NRXN3: variants seen among roughly 807,000 people sequenced by gnomAD.
NRXN3 encodes neurexin 3.
In NRXN3, 32 loss-of-function variants were observed where a neutral mutation model predicts 137.6. The ratio of observed to expected loss-of-function variants is 0.23; its 90% CI spans 0.18 to 0.31. NRXN3 has a LOEUF of 0.31. Among genes scored for constraint, NRXN3 ranks in the 10% least tolerant of loss-of-function variants. The pLI is 1.00. For synonymous variants in NRXN3, 798 were observed against 784.5 expected (o/e 1.02, Z -0.29); for missense variants, 1,574 against 2,062.5 (o/e 0.76, Z 4.59).
chr14:79,768,654 A>G (rs1313536323), intron 19 of NRXN3, among the ~76,000 whole-genome samples: 1 of 152,230 alleles, frequency 6.6e-6, no homozygotes. Flanking sequence ...AAAAGTAGAT[A>G]AAACCACAAA....
intron 8 of NRXN3, among the ~76,000 whole-genome samples, chr14:78,754,038 C>G (rs2098655894): frequency 6.6e-6 from 1 of 152,118 alleles, no homozygotes; most frequent in African/African-American, 2.4e-5. Flanking sequence ...AGCTCCATGA[C>G]AAGGGTGTGA....
intron 15 of NRXN3, among the ~76,000 whole-genome samples, chr14:79,156,779 G>A (rs540798428): frequency 3.9e-4 from 59 of 151,884 alleles, no homozygotes; most frequent in Non-Finnish European, 5.6e-4. Flanking sequence ...TCCACTAGTA[G>A]CTTACCATGC....
chr14:79,093,823 A>G (rs563849933), intron 15 of NRXN3, among the ~76,000 whole-genome samples: 3 of 151,930 alleles, frequency 2.0e-5, no homozygotes, highest in African/African-American at 7.3e-5. Flanking sequence ...GACTCAGAGT[A>G]TGGGGCCTGG....
chr14:79,858,454 C>T (rs2099407423), intron 20 of NRXN3, among the ~76,000 whole-genome samples: 1 of 152,114 alleles, frequency 6.6e-6, no homozygotes, highest in African/African-American at 2.4e-5. Context: ...AACAGTTTGC[C>T]TTTATATTCA....
chr14:79,857,424 G>A (rs1361961482), intron 20 of NRXN3, among the ~76,000 whole-genome samples: 7 of 151,978 alleles, frequency 4.6e-5, no homozygotes, highest in East Asian at 1.9e-4. Context: ...GGGTTTCACC[G>A]TGTTAGCCAG....
At chr14:79,695,958 C>T (rs1317560452) in intron 18 of NRXN3, among the ~76,000 whole-genome samples, 2 of 151,904 alleles carry the variant, frequency 1.3e-5, no homozygotes, top group Non-Finnish European at 2.9e-5. Context: ...AGTTCTCTGG[C>T]CAATTCACCA....
intron 16 of NRXN3, among the ~76,000 whole-genome samples, chr14:79,540,056 A>G (rs1273378407): frequency 6.6e-6 from 1 of 152,134 alleles, no homozygotes; most frequent in African/African-American, 2.4e-5. Context: ...ATATTAGGCA[A>G]TTACAGTTCT....
In NRXN3 at chr14:79,661,383, G is replaced by A. The variant is rs182216342; in HGVS notation, c.3445-2395G>A. 6.2e-3 allele frequency among the ~76,000 whole-genome samples: 943 copies of A among 152,240 alleles called. 7 individuals are homozygous for A. Among genetic ancestry groups the A allele is most frequent in the Non-Finnish European group, 7.8e-3 (528 of 68,008 alleles). On this transcript the variant is annotated intron_variant, in intron 16 of 20. Coordinates refer to ENST00000335750, the MANE Select transcript of NRXN3 (RefSeq NM_001330195.2). ...CCTTGAATGCTCACAGCCTGCTTTG[G>A]TTGATCATTCTATATTCCTCGCTTC...
chr14:79,504,254 A>G (rs2096851525), intron 16 of NRXN3, among the ~76,000 whole-genome samples: 1 of 152,066 alleles, frequency 6.6e-6, no homozygotes, highest in African/African-American at 2.4e-5. Flanking sequence ...AATATTATCC[A>G]TTACATTTTT....
chr14:78,207,367 T>A (rs1341950857), intron 1 of NRXN3, among the ~76,000 whole-genome samples: 1 of 152,186 alleles, frequency 6.6e-6, no homozygotes, highest in African/African-American at 2.4e-5. Flanking sequence ...TCTAATCCTA[T>A]GCTTTTCACT....
intron 17 of NRXN3, among the ~76,000 whole-genome samples, chr14:79,689,146 G>A (rs531022433): frequency 2.3e-4 from 35 of 152,028 alleles, no homozygotes; most frequent in African/African-American, 8.4e-4. Flanking sequence ...CTTGAGTATA[G>A]CCATCACTTT....
chr14:79,786,424 C>T (rs1257751092), intron 19 of NRXN3, among the ~76,000 whole-genome samples: 1 of 152,112 alleles, frequency 6.6e-6, no homozygotes, highest in African/African-American at 2.4e-5. Flanking sequence ...CCTATGTGTG[C>T]CGAGCAATTG....
chr14:78,681,046 C>T (rs1398001663), intron 6 of NRXN3, among the ~76,000 whole-genome samples: 2 of 152,186 alleles, frequency 1.3e-5, no homozygotes, highest in Non-Finnish European at 2.9e-5. Flanking sequence ...TACCCAGAGT[C>T]CTTCATAGCA....
intron 10 of NRXN3, among the ~76,000 whole-genome samples, chr14:78,865,955 A>G (rs2099085673): frequency 6.6e-6 from 1 of 152,210 alleles, no homozygotes; most frequent in Non-Finnish European, 1.5e-5. Context: ...TGTTGCTAGT[A>G]TAATGACCCT....
chr14:78,780,277 T>C (rs573359629), intron 8 of NRXN3, among the ~76,000 whole-genome samples: 2 of 152,270 alleles, frequency 1.3e-5, no homozygotes, highest in Admixed American at 1.3e-4. Context: ...GAAATTAGAC[T>C]TCATTTTATA....
chr14:79,615,457 T>G (rs1477832901), intron 16 of NRXN3, among the ~76,000 whole-genome samples: 1 of 152,276 alleles, frequency 6.6e-6, no homozygotes, highest in East Asian at 1.9e-4. Context: ...GATTGAGAGC[T>G]CAATTTTGCT....
intron 1 of NRXN3, among the ~76,000 whole-genome samples, chr14:78,186,321 A>G (rs1595708533): frequency 6.6e-6 from 1 of 152,252 alleles, no homozygotes; most frequent in Admixed American, 6.5e-5. Context: ...GCTTTCTGCA[A>G]AATACCTCTA....
chr14:79,163,013 A>G (rs2060944957), intron 15 of NRXN3, among the ~76,000 whole-genome samples: 1 of 150,218 alleles, frequency 6.7e-6, no homozygotes. Flanking sequence ...GTCTCTCTGC[A>G]TGTGTCTGAA....
intron 8 of NRXN3, among the ~76,000 whole-genome samples, chr14:78,718,635 G>A (rs1595123185): frequency 1.3e-5 from 2 of 152,296 alleles, no homozygotes; most frequent in East Asian, 3.9e-4. Context: ...TCATAAGAGT[G>A]CTTCTTCTGC....
Sources: gnomAD v4.1 joint callset for allele counts (sites outside exome capture counted in the v4.1 genomes callset) on GRCh38, gnomAD v4.1.1 for gene constraint, MANE v1.5 for transcripts, NCBI Gene and HGNC (gene_info 2026-07-23, HGNC 2026-07-21) for gene names.